The following TOP3A variants were observed in gnomAD, a reference collection of about 807,000 sequenced individuals.
TOP3A encodes DNA topoisomerase III alpha, also known as DNA topoisomerase 3-alpha.
Under a neutral mutation model 111.3 loss-of-function variants are expected in TOP3A, and 64 were observed. That is an observed-to-expected ratio of 0.57 (90% CI 0.47 to 0.71). The LOEUF (loss-of-function observed/expected upper bound fraction) is 0.71, where lower values mean the gene tolerates loss of function less well. Ranked by LOEUF, TOP3A falls within the 30% of genes least tolerant of loss-of-function variation. The pLI is 0.00. For missense variants in TOP3A, 1,104 were observed against 1,285.0 expected, an observed-to-expected ratio of 0.86 and a Z score of 2.15; for synonymous variants, 484 against 485.1, an observed-to-expected ratio of 1.00 and a Z score of 0.03.
At chr17:18,275,344 C>CTTTTT (rs71155327) in intron 18 of TOP3A, among the ~76,000 whole-genome samples, 20 of 77,148 alleles carry the variant, frequency 2.6e-4, no homozygotes, top group Non-Finnish European at 4.0e-4. Context: ...GCTGAACCAA[C>CTTTTT]TTTTTTTTTT....
intron 8 of TOP3A, 77 bp downstream of exon 8, chr17:18,301,808 G>T: frequency 8.0e-7 from 1 of 1,255,756 alleles, no homozygotes; most frequent in Non-Finnish European, 1.1e-6. Context: ...GGGAGAATGA[G>T]ACAGATCACC....
chr17:18,275,344 C>A (rs1318406384), intron 18 of TOP3A, among the ~76,000 whole-genome samples: 1 of 77,150 alleles, frequency 1.3e-5, no homozygotes, highest in Non-Finnish European at 2.2e-5. Context: ...GCTGAACCAA[C>A]TTTTTTTTTT....
Position 18,278,008 on chromosome 17 carries a change from C to T in TOP3A, c.2494G>A (p.Gly832Ser). ...CCGTTGCACTTAAAGAACTGCCGGCCCCGGTTGGGGCCCTCCTTACGGACA... is the reference window on the plus strand; with the variant it reads ...CCGTTGCACTTAAAGAACTGCCGGCTCCGGTTGGGGCCCTCCTTACGGACA... ...LTVRKEGPNRGRQFFKCNGGS... is the reference protein window; with the variant it reads ...LTVRKEGPNRSRQFFKCNGGS... Residue 832 changes from glycine to serine, a missense_variant, in exon 18 of 19, where the codon GGC becomes AGC. Transcript: ENST00000321105. The T allele has an allele frequency of 6.2e-7, 1 of 1,614,152 alleles. No homozygotes were observed. The highest frequency in any genetic ancestry group is 8.5e-7 in the Non-Finnish European group (1 of 1,180,042).
intron 18 of TOP3A, among the ~76,000 whole-genome samples, chr17:18,275,541 T>C (rs1238340749): frequency 6.6e-6 from 1 of 151,260 alleles, no homozygotes; most frequent in Non-Finnish European, 1.5e-5. Flanking sequence ...TTTTTTGTAT[T>C]TTTAGTAGAG....
At chr17:18,293,023 C>A (rs888017960) in intron 10 of TOP3A, among the ~76,000 whole-genome samples, 171 bp from the exon 11 acceptor site, 1 of 152,228 alleles carries the variant, frequency 6.6e-6, no homozygotes, top group African/African-American at 2.4e-5. Flanking sequence ...GATGCACCCC[C>A]TCATGGGATG....
chr17:18,308,503 G>A (rs775431224), intron 2 of TOP3A, 79 bp from the exon 3 acceptor site: 155 of 970,412 alleles, frequency 1.6e-4, no homozygotes, highest in Non-Finnish European at 2.3e-4. Flanking sequence ...TGAGAGGGAG[G>A]AGCTTCTATT....
At chr17:18,293,139 C>T (rs1000801038) in intron 10 of TOP3A, among the ~76,000 whole-genome samples, 2 of 152,354 alleles carry the variant, frequency 1.3e-5, no homozygotes, top group Non-Finnish European at 2.9e-5. Context: ...TCACTGGCCA[C>T]TCTGAGGGTC....
At chr17:18,291,835 C>A (rs1177561726) in intron 11 of TOP3A, among the ~76,000 whole-genome samples, 2 of 152,038 alleles carry the variant, frequency 1.3e-5, no homozygotes, top group Non-Finnish European at 2.9e-5. Flanking sequence ...CTGCCTCAGC[C>A]TCCTGAGAGT....
rs528349084 is a variant in TOP3A at position 18,275,126 on chromosome 17, C to T, written c.2828-146G>A. 163 of 1,253,834 alleles carry T rather than the reference C, an allele frequency of 1.3e-4. 1 individual carries two copies. In the South Asian group the frequency reaches 2.3e-3, roughly 17 times the overall value. The allele number at this position is 1,253,834 out of a possible 1,614,324, so 77.7% of individuals were successfully genotyped here. The stretch of plus-strand genomic sequence containing the variant: ...TTGAGCCCAGGAGTTCAAGATCAGC[C>T]TGGGCAACATGGTGAAACCTTGTCT... On this transcript the variant is annotated intron_variant, in intron 18 of 18. Coordinates refer to ENST00000321105, the MANE Select transcript of TOP3A (RefSeq NM_004618.5).
rs1981287315 is a variant in TOP3A at position 18,302,389 on chromosome 17, A to T, written c.689T>A (p.Phe230Tyr). 1 of 1,613,452 alleles carries T rather than the reference A, an allele frequency of 6.2e-7. No homozygotes were observed. ...RFQTLRLQRIFPEVLAEQLIS... is the reference protein window; with the variant it reads ...RFQTLRLQRIYPEVLAEQLIS... ...GAGCTGCTCTGCCAGCACCTCAGGAAAAATCCTCTGAAGCCGCAGGGTCTG... is the reference window on the plus strand; with the variant it reads ...GAGCTGCTCTGCCAGCACCTCAGGATAAATCCTCTGAAGCCGCAGGGTCTG... The change falls in exon 7 of 19, where the codon TTT (phenylalanine) becomes TAT (tyrosine). Residue 230 changes from phenylalanine (F) to tyrosine (Y), a missense_variant. Transcript: ENST00000321105.
At chr17:18,287,930 G>A (rs1159380023) in intron 13 of TOP3A, among the ~76,000 whole-genome samples, 10 of 151,406 alleles carry the variant, frequency 6.6e-5, no homozygotes, top group African/African-American at 1.7e-4. Context: ...CCTGGGTGGC[G>A]GAAGTTGCAG....
In TOP3A at chr17:18,274,655, C is replaced by T; in HGVS notation, c.*147G>A. The T allele has an allele frequency of 7.4e-7, 1 of 1,356,076 alleles. No homozygotes were observed. Among genetic ancestry groups the T allele is most frequent in the Non-Finnish European group, 9.8e-7 (1 of 1,017,320 alleles). 84.0% of individuals were successfully genotyped at this position (1,356,076 alleles called of 1,614,324 possible). On this transcript the variant is annotated 3_prime_UTR_variant, in exon 19 of 19. Coordinates refer to ENST00000321105, the MANE Select transcript of TOP3A (RefSeq NM_004618.5). ...TCCAGAGTGATCTGGACCTTGTGCC[C>T]CTTAACACAAGAAGGCCCGACTCCA... is the stretch of plus-strand genomic sequence containing the variant.
intron 4 of TOP3A, chr17:18,306,534 A>ATTT: frequency 3.7e-5 from 6 of 163,248 alleles, no homozygotes; most frequent in Non-Finnish European, 7.9e-5. Flanking sequence ...GCCTGGTTAA[A>ATTT]TTTTTTTTTT....
intron 13 of TOP3A, among the ~76,000 whole-genome samples, chr17:18,287,403 G>A (rs879421827): frequency 2.6e-5 from 4 of 152,114 alleles, no homozygotes; most frequent in Non-Finnish European, 4.4e-5. Context: ...ATGCGCACCT[G>A]TAGTCCCAGC....
chr17:18,307,129 C>T, intron 3 of TOP3A, 163 bp from the exon 4 acceptor site: 1 of 565,834 alleles, frequency 1.8e-6, no homozygotes, highest in Non-Finnish European at 3.1e-6. Context: ...ACACTGTCCA[C>T]TTCTCCAAGA....
At chr17:18,284,783 A>G (rs9907938) in intron 15 of TOP3A, among the ~76,000 whole-genome samples, 3,931 of 151,904 alleles carry the variant, frequency 0.026, 169 homozygotes, top group African/African-American at 0.084. Flanking sequence ...TTAAAGCAGA[A>G]AAAAAAAAGA....
chr17:18,309,068 T>C, intron 1 of TOP3A, 127 bp from the exon 2 acceptor site: 8 of 509,412 alleles, frequency 1.6e-5, no homozygotes, highest in Non-Finnish European at 2.7e-5. Context: ...TAACCAACAT[T>C]GCTCCAAAGA....
At chr17:18,311,801 A>C (rs531504077) in intron 1 of TOP3A, 1 of 152,288 alleles carries the variant, frequency 6.6e-6, no homozygotes, top group South Asian at 2.1e-4. Flanking sequence ...CTATGACAGC[A>C]TGTCAGTAAG....
At chr17:18,305,512 A>G (rs1187981896) in intron 4 of TOP3A, among the ~76,000 whole-genome samples, 2 of 151,344 alleles carry the variant, frequency 1.3e-5, no homozygotes, top group African/African-American at 2.4e-5. Flanking sequence ...GCGCACGCAC[A>G]CTTCGAGAGG....
Sources: allele counts gnomAD v4.1 joint callset (sites outside exome capture counted in the v4.1 genomes callset), GRCh38; gene constraint gnomAD v4.1.1; transcripts MANE v1.5; gene names NCBI Gene and HGNC (gene_info 2026-07-23, HGNC 2026-07-21).